The following GABRA2 variants were observed in gnomAD, a reference collection of about 807,000 sequenced individuals.
The protein encoded by GABRA2 is gamma-aminobutyric acid type A receptor subunit alpha2.
In GABRA2, 16 loss-of-function variants were observed where a neutral mutation model predicts 48.7. That is an observed-to-expected ratio of 0.33 (90% CI 0.22 to 0.50). The LOEUF (loss-of-function observed/expected upper bound fraction) is 0.50, where lower values mean the gene tolerates loss of function less well. Among genes scored for constraint, GABRA2 ranks in the 20% least tolerant of loss-of-function variants. GABRA2 has a pLI of 0.98. For synonymous variants in GABRA2, 185 were observed against 184.5 expected, an observed-to-expected ratio of 1.00 and a Z score of -0.02; for missense variants, 275 against 535.6, an observed-to-expected ratio of 0.51 and a Z score of 4.80.
chr4:46,331,399 G>C (rs766942937), intron 4 of GABRA2, among the ~76,000 whole-genome samples: 1 of 152,090 alleles, frequency 6.6e-6, no homozygotes, highest in African/African-American at 2.4e-5. Context: ...CATAAAAGTG[G>C]AATTTAGGTT....
intron 3 of GABRA2, among the ~76,000 whole-genome samples, chr4:46,346,153 A>G (rs1030362976): frequency 5.9e-5 from 9 of 151,968 alleles, no homozygotes; most frequent in African/African-American, 2.2e-4. Context: ...CATCAATTGA[A>G]TTAAAGTCAA....
chr4:46,371,648 G>A (rs983519687), intron 3 of GABRA2, among the ~76,000 whole-genome samples: 1 of 152,020 alleles, frequency 6.6e-6, no homozygotes, highest in Non-Finnish European at 1.5e-5. Flanking sequence ...TGACTGGATA[G>A]AGAAATTGCA....
At chr4:46,252,191 C>T (rs1714906883) in intron 9 of GABRA2, among the ~76,000 whole-genome samples, 1 of 151,406 alleles carries the variant, frequency 6.6e-6, no homozygotes, top group Non-Finnish European at 1.5e-5. Context: ...TTCTTCCTCT[C>T]CTTTTTCCCC....
At chr4:46,386,395 A>G (rs568291543) in intron 2 of GABRA2, among the ~76,000 whole-genome samples, 1 of 152,192 alleles carries the variant, frequency 6.6e-6, no homozygotes, top group East Asian at 1.9e-4. Flanking sequence ...ATAGTAGATT[A>G]TCAGAAGTTT....
intron 3 of GABRA2, among the ~76,000 whole-genome samples, chr4:46,355,432 A>T (rs1224283604): frequency 2.0e-5 from 3 of 152,152 alleles, no homozygotes; most frequent in Non-Finnish European, 4.4e-5. Context: ...TAAAGGGATA[A>T]TATATCCTTT....
At chr4:46,348,217 A>G (rs1010102798) in intron 3 of GABRA2, among the ~76,000 whole-genome samples, 4 of 152,086 alleles carry the variant, frequency 2.6e-5, no homozygotes, top group Non-Finnish European at 5.9e-5. Context: ...AATCAAAACC[A>G]CAATGAGATA....
intron 8 of GABRA2, among the ~76,000 whole-genome samples, 160 bp from the exon 9 acceptor site, chr4:46,262,288 G>A (rs1033847528): frequency 3.3e-5 from 5 of 152,030 alleles, no homozygotes; most frequent in African/African-American, 9.7e-5. Context: ...ATATTAAAGT[G>A]TAAAGTTAAT....
At chr4:46,366,147 A>T (rs1300977956) in intron 3 of GABRA2, 1 of 152,072 alleles carries the variant, frequency 6.6e-6, no homozygotes, top group Admixed American at 6.6e-5. Flanking sequence ...TCTGATTCAC[A>T]CAGTAAGGGA....
At chr4:46,263,964 A>C (rs1331294995) in intron 8 of GABRA2, among the ~76,000 whole-genome samples, 1 of 149,502 alleles carries the variant, frequency 6.7e-6, no homozygotes, top group Non-Finnish European at 1.5e-5. Context: ...CTCTATAATA[A>C]ACATTTCCAT....
rs35058221 is a variant in GABRA2, at chr4:46,262,061, A to T, written c.924T>A (p.Ala308=). The T allele has an allele frequency of 2.0e-4, 320 of 1,613,678 alleles. No homozygotes were observed. Among genetic ancestry groups the T allele is most frequent in the Admixed American group, 2.0e-4 (12 of 59,948 alleles). The part of the protein sequence containing the change: ...ISARNSLPKV[A]YATAMDWFIA... ...TAAACCAGTCCATGGCAGTTGCATAAGCCACTTTGGGGAGAGAATTCCGAG... is the reference window on the plus strand; with the variant it reads ...TAAACCAGTCCATGGCAGTTGCATATGCCACTTTGGGGAGAGAATTCCGAG... Residue 308 remains alanine (A), a synonymous_variant, in exon 9 of 10, where the codon GCT becomes GCA. Coordinates refer to ENST00000381620, the MANE Select transcript of GABRA2 (RefSeq NM_000807.4).
intron 8 of GABRA2, among the ~76,000 whole-genome samples, chr4:46,271,207 G>C (rs754154701): frequency 2.0e-5 from 3 of 151,910 alleles, no homozygotes; most frequent in Non-Finnish European, 4.4e-5. Flanking sequence ...ACCACCTGCT[G>C]GTTATTGCTT....
intron 4 of GABRA2, among the ~76,000 whole-genome samples, chr4:46,323,569 C>T (rs1229043085): frequency 6.6e-6 from 1 of 151,898 alleles, no homozygotes; most frequent in Non-Finnish European, 1.5e-5. Context: ...TTGAGGGCTA[C>T]ACTTACTTAT....
chr4:46,271,249 CAT>C lies in GABRA2; in HGVS notation c.857-9123_857-9122del, dbSNP rs1577846260. On this transcript the variant is annotated intron_variant, in intron 8 of 9. Transcript: ENST00000381620. The stretch of plus-strand genomic sequence containing the variant: ...ACAGAAACAAAAGATACTCTGATAA[CAT>C]GTGTTGGGTTTCCCCCGCTTCAGGC... 2.6e-5 allele frequency among the ~76,000 whole-genome samples: 4 copies of C among 151,788 alleles called. No homozygotes were observed. In the Admixed American group the frequency reaches 2.6e-4, roughly 10 times the overall value.
At chr4:46,350,074 C>A (rs1171883753) in intron 3 of GABRA2, among the ~76,000 whole-genome samples, 1 of 151,726 alleles carries the variant, frequency 6.6e-6, no homozygotes, top group Non-Finnish European at 1.5e-5. Flanking sequence ...TCATGATCCC[C>A]CATGAACTGT....
At chr4:46,262,764 G>A (rs1717238222) in intron 8 of GABRA2, among the ~76,000 whole-genome samples, 1 of 152,000 alleles carries the variant, frequency 6.6e-6, no homozygotes, top group Non-Finnish European at 1.5e-5. Flanking sequence ...CCAGCGTGGT[G>A]GCAGGTGCCT....
chr4:46,341,565 A>G (rs1029587891), intron 3 of GABRA2, among the ~76,000 whole-genome samples: 2 of 152,046 alleles, frequency 1.3e-5, no homozygotes, highest in African/African-American at 4.8e-5. Flanking sequence ...TTGAACCAAT[A>G]AGTTTCCCAG....
At chr4:46,298,903 G>T (rs999353491) in intron 8 of GABRA2, among the ~76,000 whole-genome samples, 1 of 151,602 alleles carries the variant, frequency 6.6e-6, no homozygotes, top group African/African-American at 2.4e-5. Flanking sequence ...TAAAATTCTA[G>T]TATAATACCT....
chr4:46,349,977 T>C (rs1734843189), intron 3 of GABRA2, among the ~76,000 whole-genome samples: 1 of 151,894 alleles, frequency 6.6e-6, no homozygotes, highest in Admixed American at 6.6e-5. Context: ...ATTCCAAATG[T>C]GTGATAATAA....
chr4:46,340,080 T>C (rs1392334717), intron 3 of GABRA2, among the ~76,000 whole-genome samples: 1 of 151,842 alleles, frequency 6.6e-6, no homozygotes, highest in African/African-American at 2.4e-5. Flanking sequence ...AGTAAATCTC[T>C]TCTCAAAGAT....
Sources: gnomAD v4.1 joint callset for allele counts (sites outside exome capture counted in the v4.1 genomes callset) on GRCh38, gnomAD v4.1.1 for gene constraint, MANE v1.5 for transcripts, NCBI Gene and HGNC (gene_info 2026-07-23, HGNC 2026-07-21) for gene names.